Variants in PIGT observed in about 807,000 individuals in gnomAD.
PIGT encodes the protein GPI-anchor transamidase component PIGT.
Under a neutral mutation model 66.7 loss-of-function variants are expected in PIGT, and 57 were observed. That is an observed-to-expected ratio of 0.86 (90% CI 0.69 to 1.07). The LOEUF is 1.07. Ranked by LOEUF, PIGT falls within the 50% of genes least tolerant of loss-of-function variation. PIGT has a pLI of 0.00. For synonymous variants in PIGT, 362 were observed against 320.5 expected (o/e 1.13, Z -1.38); for missense variants, 725 against 740.4 (o/e 0.98, Z 0.24).
chr20:45,416,958 A>C, intron 2 of PIGT: 1 of 347,866 alleles, frequency 2.9e-6, no homozygotes, highest in Non-Finnish European at 5.2e-6. Flanking sequence ...AGGCAGTAGA[A>C]AACTGGCAAC....
At chr20:45,419,170 G>T in intron 3 of PIGT, 125 bp from the exon 4 acceptor site, 1 of 1,058,184 alleles carries the variant, frequency 9.5e-7, no homozygotes, top group Non-Finnish European at 1.4e-6. Flanking sequence ...CTCCCAGTTG[G>T]GACTGTCCAG....
At chr20:45,419,896 G>A (rs565840908) in intron 5 of PIGT, 2 of 599,532 alleles carry the variant, frequency 3.3e-6, no homozygotes, top group South Asian at 4.0e-5. Flanking sequence ...TTCCCACCCT[G>A]CCACATGACA....
intron 2 of PIGT, chr20:45,417,229 A>C (rs987404176): frequency 2.6e-5 from 4 of 152,296 alleles, no homozygotes; most frequent in African/African-American, 9.6e-5. Context: ...TACATGGGCC[A>C]CACAGGTAAG....
chr20:45,416,623 C>A lies in PIGT; in HGVS notation c.294C>A (p.Tyr98Ter). 8 of 1,614,186 alleles carry A rather than the reference C, an allele frequency of 5.0e-6. No individual in the cohort carries two copies. The highest frequency in any genetic ancestry group is 6.8e-6 in the Non-Finnish European group (8 of 1,180,016). ...CACAAGGCTTTTGGAGGACCCGATA[C>A]TGGGGGCCACCCTTCCTGCAGGCCC... ...SFTQGFWRTRYWGPPFLQAPS... is the reference protein window; with the variant it reads ...SFTQGFWRTR The change falls in exon 2 of 12, where the codon TAC becomes TAA. Residue 98 changes from tyrosine (Y) to a stop codon, truncating the protein, a stop_gained. Transcript: ENST00000279036. LOFTEE classifies it high-confidence loss of function.
At chr20:45,425,191 C>CT (rs540158139) in intron 11 of PIGT, 34 of 122,636 alleles carry the variant, frequency 2.8e-4, no homozygotes, top group African/African-American at 1.0e-3. Context: ...TTCTTTCTTT[C>CT]TTTCTTTCTT....
chr20:45,420,258 A>G (rs779602919), intron 6 of PIGT, 35 bp downstream of exon 6: 6 of 1,598,570 alleles, frequency 3.8e-6, no homozygotes, highest in Middle Eastern at 1.7e-4. Flanking sequence ...GTACCCACCC[A>G]TGCCAGCCCT....
In PIGT at chr20:45,416,259, G is replaced by GT. The variant is rs1414527601; in HGVS notation, c.104dup (p.Ile36HisfsTer87). ...ACGCGACAGCCTGCGGGAGGAACTT[G>GT]TCATCACCCCGCTGCCTTCCGGGGA... On this transcript the variant is annotated frameshift_variant, in exon 1 of 12. Coordinates refer to ENST00000279036, the MANE Select transcript of PIGT (RefSeq NM_015937.6). LOFTEE classifies it high-confidence loss of function. 1 of 1,596,064 alleles carries GT rather than the reference G, an allele frequency of 6.3e-7. No individual in the cohort carries two copies. Among genetic ancestry groups the GT allele is most frequent in the Non-Finnish European group, 8.5e-7 (1 of 1,171,732 alleles).
rs762745361 is a variant in PIGT, at chr20:45,425,759, G to T, written c.1670G>T (p.Arg557Leu). ...CGAACCTTCCACATCGAGGAGCCCC[G>T]CACAGGTGGCCTGGCCAAGCGGCTG... is the stretch of plus-strand genomic sequence containing the variant. ...LTRTFHIEEP[R>L]TGGLAKRLAN... Residue 557 changes from arginine to leucine, a missense_variant, in exon 12 of 12, where the codon CGC becomes CTC. Physicochemically the swap from Arg to Leu is moderately radical, Grantham distance 102. Around this residue, in one of 3 missense-constraint regions of PIGT, gnomAD observed 162 missense variants for 171.1 expected, o/e 0.95. Transcript: ENST00000279036. 2 of 1,613,914 alleles carry T rather than the reference G, an allele frequency of 1.2e-6. No homozygotes were observed. Among genetic ancestry groups the T allele is most frequent in the Non-Finnish European group, 1.7e-6 (2 of 1,179,944 alleles).
At position 45,416,518 on chromosome 20, in the gene PIGT, G is replaced by A. The variant is rs1407471019; in HGVS notation, c.189G>A (p.Val63=). The A allele has an allele frequency of 6.2e-7, 1 of 1,613,828 alleles. No individual in the cohort carries two copies. Among genetic ancestry groups the A allele is most frequent in the South Asian group, 1.1e-5 (1 of 91,020 alleles). The change falls in exon 2 of 12, where the codon GTG becomes GTA. Residue 63 remains valine, a splice_region_variant and synonymous_variant. Coordinates refer to ENST00000279036, the MANE Select transcript of PIGT (RefSeq NM_015937.6). ...ACTCACCTGCTCCCGTTTCCCCAGT[G>A]TCCCATTACAGGCTCTTTCCCAAAG... ...RWDSELQREG[V]SHYRLFPKAL... is the part of the protein sequence containing the mutation.
At chr20:45,424,666 A>G in intron 11 of PIGT, 87 bp downstream of exon 11, 1 of 945,108 alleles carries the variant, frequency 1.1e-6, no homozygotes, top group Non-Finnish European at 1.7e-6. Context: ...AGGGGAGTTC[A>G]GGGTAGATGT....
In PIGT at chr20:45,419,329, G is replaced by T. The variant is rs768978114; in HGVS notation, c.528G>T (p.Leu176=). 1 of 1,614,126 alleles carries T rather than the reference G, an allele frequency of 6.2e-7. No homozygotes were observed. Residue 176 remains leucine, a synonymous_variant, in exon 4 of 12, where the codon CTG becomes CTT. Coordinates refer to ENST00000279036, the MANE Select transcript of PIGT (RefSeq NM_015937.6). ...ACTACTTTCTGCGCTATGCTGTGCT[G>T]CCGCGGGAGGTGGTCTGCACCGAAA... ...TDHYFLRYAV[L]PREVVCTENL... is the part of the protein sequence containing the mutation.
chr20:45,416,334 C>A lies in PIGT; in HGVS notation c.178C>A (p.Arg60=). 6.3e-7 allele frequency: 1 copy of A among 1,586,850 alleles called. No individual in the cohort carries two copies. The highest frequency in any genetic ancestry group is 8.6e-7 in the Non-Finnish European group (1 of 1,164,100). ...FRTRWDSELQ[R]EGVSHYRLFP... ...CACGCGCTGGGATTCGGAGCTTCAG[C>A]GGGAAGGAGGTGAGGGCGCGAGATC... The change falls in exon 1 of 12, where the codon CGG becomes AGG. Residue 60 remains arginine, a synonymous_variant. Coordinates refer to ENST00000279036, the MANE Select transcript of PIGT (RefSeq NM_015937.6).
Position 45,416,525 on chromosome 20 carries a change from T to A in PIGT, c.196T>A (p.Tyr66Asn). ...TGCTCCCGTTTCCCCAGTGTCCCAT[T>A]ACAGGCTCTTTCCCAAAGCCCTGGG... ...SELQREGVSH[Y>N]RLFPKALGQL... Residue 66 changes from tyrosine (Y) to asparagine (N), a missense_variant, in exon 2 of 12, where the codon TAC becomes AAC. This residue lies in a region of PIGT where 559 missense variants were observed against 552.7 expected (regional missense o/e 1.01). Coordinates refer to ENST00000279036, the MANE Select transcript of PIGT (RefSeq NM_015937.6). 1 of 1,614,068 alleles carries A rather than the reference T, an allele frequency of 6.2e-7. No homozygotes were observed.
intron 9 of PIGT, 83 bp from the exon 10 acceptor site, chr20:45,424,133 G>A: frequency 3.8e-6 from 5 of 1,328,602 alleles, no homozygotes; most frequent in Non-Finnish European, 5.4e-6. Context: ...CCCAGATTGA[G>A]GCTCCATGGC....
rs772970201 is a variant in PIGT, at chr20:45,419,516, G to C, written c.607G>C (p.Val203Leu). The C allele has an allele frequency of 3.7e-6, 6 of 1,614,200 alleles. No individual in the cohort carries two copies. Among genetic ancestry groups the C allele is most frequent in the South Asian group, 3.3e-5 (3 of 91,086 alleles). The part of the protein sequence containing the change: ...LPCSSKAGLS[V>L]LLKADRLFHT... ...CCATCTCCTCCAGGCAGGCCTCTCT[G>C]TGCTGCTGAAGGCAGATCGCTTGTT... Residue 203 changes from valine to leucine, a missense_variant, in exon 5 of 12, where the codon GTG becomes CTG. By Grantham distance (32) the Val-to-Leu change is conservative (BLOSUM62 1). Around this residue, in one of 3 missense-constraint regions of PIGT, gnomAD observed 559 missense variants for 552.7 expected, o/e 1.01. Transcript: ENST00000279036.
Position 45,420,426 on chromosome 20 carries a change from C to T in PIGT, c.864C>T (p.Asn288=), listed in dbSNP as rs35320070. The T allele has an allele frequency of 1.5e-4, 244 of 1,612,828 alleles. No homozygotes were observed. Among genetic ancestry groups the T allele is most frequent in the Non-Finnish European group, 2.0e-4 (237 of 1,179,374 alleles). Residue 288 remains asparagine, a synonymous_variant, in exon 7 of 12, where the codon AAC becomes AAT. Transcript: ENST00000279036. ...TCTATGTGGACATCACCACCTACAA[C>T]CAGGTAACAAGGTCTCCAGCCACAC... ...SRVYVDITTY[N]QDNETLEVHP...
chr20:45,425,149 T>TTCTTTCTTTCTTTC, intron 11 of PIGT: 1 of 40,426 alleles, frequency 2.5e-5, no homozygotes, highest in Non-Finnish European at 5.3e-5. Context: ...TTCTCTTTCT[T>TTCTTTCTTTCTTTC]TCTTTCTTTC....
intron 2 of PIGT, 61 bp downstream of exon 2, chr20:45,416,755 G>A (rs982572020): frequency 6.7e-5 from 98 of 1,459,590 alleles, no homozygotes; most frequent in Non-Finnish European, 8.8e-5. Flanking sequence ...GGAGAGTGTT[G>A]TCATCCTGCC....
Position 45,420,307 on chromosome 20 carries a change from C to T in PIGT, c.770-25C>T, listed in dbSNP as rs368372554. ...GGACTAGGCCTAGGCCTGGCCCCTG[C>T]TCAGCCCTGCGCTCTGTTTCTCAGA... On this transcript the variant is annotated intron_variant, in intron 6 of 11. Coordinates refer to ENST00000279036, the MANE Select transcript of PIGT (RefSeq NM_015937.6). 2.5e-6 allele frequency: 4 copies of T among 1,601,770 alleles called. No homozygotes were observed. In the African/African-American group the frequency reaches 4.0e-5, roughly 16 times the overall value.
Sources: allele counts gnomAD v4.1 joint callset, GRCh38; gene constraint gnomAD v4.1.1; regional missense constraint gnomAD v4.1.1; transcripts MANE v1.5; gene names NCBI Gene and HGNC (gene_info 2026-07-23, HGNC 2026-07-21).